Variants in RTN1 observed in about 807,000 individuals in gnomAD.
The protein encoded by RTN1 is reticulon 1.
In RTN1, 25 loss-of-function variants were observed where a neutral mutation model predicts 65.5. The ratio of observed to expected loss-of-function variants is 0.38; its 90% CI spans 0.28 to 0.53. The LOEUF (loss-of-function observed/expected upper bound fraction) is 0.53. Among genes scored for constraint, RTN1 ranks in the 20% least tolerant of loss-of-function variants. The pLI is 0.79. For missense variants in RTN1, 983 were observed against 1,025.4 expected (o/e 0.96, Z 0.57); for synonymous variants, 471 against 447.6 (o/e 1.05, Z -0.66).
At chr14:59,630,832 C>T in intron 3 of RTN1, 2 of 1,008,732 alleles carry the variant, frequency 2.0e-6, no homozygotes, top group Non-Finnish European at 2.4e-6. Context: ...AAGGCGCTGA[C>T]GCGGACAGTG....
At chr14:59,789,142 T>G (rs957818328) in intron 1 of RTN1, among the ~76,000 whole-genome samples, 3 of 152,078 alleles carry the variant, frequency 2.0e-5, no homozygotes, top group African/African-American at 7.2e-5. Context: ...ATGTAATCAT[T>G]CATCTTACCA....
At position 59,766,587 on chromosome 14, in the gene RTN1, A is replaced by C. The variant is rs967878637; in HGVS notation, c.242-20106T>G. Among the ~76,000 whole-genome samples the C allele has an allele frequency of 8.5e-5, 13 of 152,204 alleles. No homozygotes were observed. The highest frequency in any genetic ancestry group is 2.9e-4 in the African/African-American group (12 of 41,462). On this transcript the variant is annotated intron_variant, in intron 1 of 8. Coordinates refer to ENST00000267484, the MANE Select transcript of RTN1 (RefSeq NM_021136.3). The surrounding 1 kb of genome is among the most constrained non-coding windows in gnomAD (Gnocchi z 4.4). ...AGATGACCCCATGATAAGGTTTAAG[A>C]GTATTTTTAAAGTGAAAATGCTTCA...
At chr14:59,784,657 G>A (rs1566726138) in intron 1 of RTN1, among the ~76,000 whole-genome samples, 1 of 152,150 alleles carries the variant, frequency 6.6e-6, no homozygotes, top group Non-Finnish European at 1.5e-5. Context: ...AAATTCAGCA[G>A]TATTTCTTTT....
At chr14:59,808,905 C>T (rs1886682477) in intron 1 of RTN1, among the ~76,000 whole-genome samples, 1 of 152,032 alleles carries the variant, frequency 6.6e-6, no homozygotes, top group South Asian at 2.1e-4. Flanking sequence ...TGAGGGCTCC[C>T]CAGAAGCCAA....
intron 1 of RTN1, among the ~76,000 whole-genome samples, chr14:59,760,731 T>A (rs968164714): frequency 6.6e-6 from 1 of 152,208 alleles, no homozygotes; most frequent in East Asian, 1.9e-4. Context: ...ATAGGAAACA[T>A]GGACTGCACA....
intron 3 of RTN1, among the ~76,000 whole-genome samples, chr14:59,723,184 C>G (rs1447776361): frequency 6.6e-6 from 1 of 152,034 alleles, no homozygotes; most frequent in East Asian, 1.9e-4. Flanking sequence ...GTTTTAAGGA[C>G]TGATCAGCAG....
intron 1 of RTN1, among the ~76,000 whole-genome samples, chr14:59,853,667 C>T (rs1253297999): frequency 2.6e-5 from 4 of 151,970 alleles, no homozygotes; most frequent in Non-Finnish European, 4.4e-5. Context: ...CTCGAGTTAA[C>T]GAGACTTAAC....
chr14:59,671,670 C>T (rs1320408685), intron 3 of RTN1, among the ~76,000 whole-genome samples: 2 of 152,136 alleles, frequency 1.3e-5, no homozygotes, highest in East Asian at 1.9e-4. Context: ...GACACTTTAC[C>T]ACCTACTGAC....
chr14:59,867,465 T>G (rs564286875), intron 1 of RTN1, among the ~76,000 whole-genome samples: 2 of 152,358 alleles, frequency 1.3e-5, no homozygotes, highest in Admixed American at 6.5e-5. Flanking sequence ...AGTGTTATTT[T>G]GATGAGACTA....
intron 3 of RTN1, among the ~76,000 whole-genome samples, chr14:59,628,834 T>C (rs1882469760): frequency 6.6e-6 from 1 of 152,232 alleles, no homozygotes; most frequent in South Asian, 2.1e-4. Context: ...TTAAGATATT[T>C]AATTCATAAG....
intron 3 of RTN1, among the ~76,000 whole-genome samples, chr14:59,650,926 A>T (rs894232023): frequency 2.0e-5 from 3 of 152,150 alleles, no homozygotes; most frequent in Admixed American, 2.0e-4. Context: ...TAATCCCAGT[A>T]CTTTGGGACT....
chr14:59,697,168 T>C (rs147902952), intron 3 of RTN1, among the ~76,000 whole-genome samples: 19 of 152,314 alleles, frequency 1.2e-4, no homozygotes, highest in African/African-American at 3.8e-4. Context: ...CTCACAAACA[T>C]CTCCTTCTCT....
rs2139509060 is a variant in RTN1, at chr14:59,746,091, T to C, written c.632A>G (p.His211Arg). ...RPEEVKHQEQ[H>R]HPELEDKDLD... The stretch of plus-strand genomic sequence containing the variant: ...GTCTTTATCTTCCAGCTCGGGGTGA[T>C]GTTGTTCTTGGTGCTTCACCTCCTC... The change falls in exon 2 of 9, where the codon CAT becomes CGT. Residue 211 changes from histidine (H) to arginine (R), a missense_variant. By Grantham distance (29) the His-to-Arg change is conservative. Coordinates refer to ENST00000267484, the MANE Select transcript of RTN1 (RefSeq NM_021136.3). 1 of 1,613,908 alleles carries C rather than the reference T, an allele frequency of 6.2e-7. No individual in the cohort carries two copies. The highest frequency in any genetic ancestry group is 1.1e-5 in the South Asian group (1 of 91,000).
rs1399619423 is a variant in RTN1, at chr14:59,794,477, C to T, written c.242-47996G>A. Among the ~76,000 whole-genome samples, 2 of 152,174 alleles carry T rather than the reference C, an allele frequency of 1.3e-5. No individual in the cohort carries two copies. Among genetic ancestry groups the T allele is most frequent in the African/African-American group, 4.8e-5 (2 of 41,446 alleles). On this transcript the variant is annotated intron_variant, in intron 1 of 8. Transcript: ENST00000267484. The surrounding 1 kb of genome is among the most constrained non-coding windows in gnomAD (Gnocchi z 5.1). ...AGATGTCTTTTTTGTTTTGACCATT[C>T]TGAATTGAGTTTCTGTTAGTTGCAA...
At chr14:59,777,846 AACAC>A (rs36006273) in intron 1 of RTN1, among the ~76,000 whole-genome samples, 62,156 of 149,976 alleles carry the variant, frequency 0.41, 13,528 homozygotes, top group African/African-American at 0.55. Flanking sequence ...AAAACAACAA[AACAC>A]ACACACACAC....
rs1279033123 is a variant in RTN1, at chr14:59,846,352, T to G, written c.241+24038A>C. Among the ~76,000 whole-genome samples, 1 of 152,178 alleles carries G rather than the reference T, an allele frequency of 6.6e-6. No homozygotes were observed. Among genetic ancestry groups the G allele is most frequent in the Non-Finnish European group, 1.5e-5 (1 of 68,026 alleles). ...TCCCGGCATTCTTTCCACAGCACTC[T>G]TCTCATCCCAGCACCCATATCTGTG... is the stretch of plus-strand genomic sequence containing the variant. On this transcript the variant is annotated intron_variant, in intron 1 of 8. Transcript: ENST00000267484. The surrounding 1 kb of genome is among the most constrained non-coding windows in gnomAD (Gnocchi z 4.8).
intron 3 of RTN1, among the ~76,000 whole-genome samples, chr14:59,620,586 C>A (rs1882228727): frequency 6.6e-6 from 1 of 152,158 alleles, no homozygotes; most frequent in South Asian, 2.1e-4. Context: ...TTACCTGTTT[C>A]TTCTTACTTT....
intron 3 of RTN1, among the ~76,000 whole-genome samples, chr14:59,708,941 T>C (rs183545906): frequency 1.3e-5 from 2 of 152,350 alleles, no homozygotes; most frequent in Admixed American, 1.3e-4. Context: ...ATATTCTTAT[T>C]ATAGTTAATG....
intron 1 of RTN1, among the ~76,000 whole-genome samples, chr14:59,840,719 C>T (rs569325286): frequency 1.3e-5 from 2 of 152,076 alleles, no homozygotes; most frequent in African/African-American, 4.8e-5. Context: ...ATGGATGTGC[C>T]CTTTTGGGGA....
Sources: allele counts gnomAD v4.1 joint callset (sites outside exome capture counted in the v4.1 genomes callset), GRCh38; gene constraint gnomAD v4.1.1; non-coding constraint Gnocchi (gnomAD v3.1); transcripts MANE v1.5; gene names NCBI Gene and HGNC (gene_info 2026-07-23, HGNC 2026-07-21).